Variants in TOPAZ1 observed in about 807,000 individuals in gnomAD.
TOPAZ1 encodes the protein protein TOPAZ1.
A neutral mutation model predicts 172.2 loss-of-function variants in TOPAZ1; 66 were observed. The observed-to-expected ratio is 0.38, with a 90% confidence interval of 0.31 to 0.47. The LOEUF is 0.47. Ranked by LOEUF, TOPAZ1 falls within the 20% of genes least tolerant of loss-of-function variation. The pLI, the probability that TOPAZ1 is intolerant of heterozygous loss-of-function variation, is 0.99. For synonymous variants in TOPAZ1, 681 were observed against 683.9 expected (o/e 1.00, Z 0.07); for missense variants, 1,822 against 1,972.4 (o/e 0.92, Z 1.44).
At chr3:44,313,202 A>G (rs910353674) in intron 16 of TOPAZ1, among the ~76,000 whole-genome samples, 2 of 152,182 alleles carry the variant, frequency 1.3e-5, no homozygotes, top group Admixed American at 1.3e-4. Flanking sequence ...ACTTTTCCTT[A>G]GGATAAATTC....
intron 2 of TOPAZ1, among the ~76,000 whole-genome samples, chr3:44,245,807 G>A (rs1699558480): frequency 6.6e-6 from 1 of 152,104 alleles, no homozygotes; most frequent in East Asian, 1.9e-4. Flanking sequence ...CCAAAGTGCT[G>A]GGATTACAGG....
chr3:44,304,081 G>A lies in TOPAZ1; in HGVS notation c.3864G>A (p.Glu1288=). 6.7e-7 allele frequency: 1 copy of A among 1,493,960 alleles called. No individual in the cohort carries two copies. Among genetic ancestry groups the A allele is most frequent in the Non-Finnish European group, 9.1e-7 (1 of 1,100,548 alleles). The allele number at this position is 1,493,960 out of a possible 1,614,324, so 92.5% of individuals were successfully genotyped here. A position where few individuals can be genotyped will look rare whatever the true frequency, so the allele number is the denominator to read the frequency against. ...CDLDSALNKL[E]HCKEKGDWTK... ...TAGATTCAGCCTTGAATAAATTAGA[G>A]GTATGACATTTATTATTTTAAATAC... is the stretch of plus-strand genomic sequence containing the variant. Residue 1288 remains glutamate, a splice_region_variant and synonymous_variant, in exon 13 of 20, where the codon GAG becomes GAA. Coordinates refer to ENST00000309765, the MANE Select transcript of TOPAZ1 (RefSeq NM_001145030.2).
chr3:44,245,501 C>G (rs1254828923), intron 2 of TOPAZ1, among the ~76,000 whole-genome samples: 5 of 145,250 alleles, frequency 3.4e-5, no homozygotes, highest in Non-Finnish European at 7.5e-5. Context: ...AAAAGATTAG[C>G]TGTTCAGAAT....
chr3:44,242,140 GC>G lies in TOPAZ1; in HGVS notation c.89del (p.Pro30GlnfsTer60), dbSNP rs1325520700. ...RNLQKRQAPG[P>X]GAAGGCGPEA... ...ACCTGCAGAAGCGGCAGGCGCCAGGGCCAGGCGCGGCGGGAGGCTGTGGCCC... is the reference window on the plus strand; with the variant it reads ...ACCTGCAGAAGCGGCAGGCGCCAGGGCAGGCGCGGCGGGAGGCTGTGGCCC... On this transcript the variant is annotated frameshift_variant, in exon 1 of 20. Transcript: ENST00000309765. LOFTEE classifies it high-confidence loss of function. 81 of 1,549,016 alleles carry G rather than the reference GC, an allele frequency of 5.2e-5. No homozygotes were observed. The highest frequency in any genetic ancestry group is 7.0e-5 in the Non-Finnish European group (80 of 1,146,500).
chr3:44,266,075 G>A (rs1037237133), intron 5 of TOPAZ1, among the ~76,000 whole-genome samples: 1 of 152,128 alleles, frequency 6.6e-6, no homozygotes, highest in Admixed American at 6.5e-5. Flanking sequence ...GTTTGACCTT[G>A]CACTTCTATG....
At chr3:44,321,709 T>A (rs1002946917) in intron 17 of TOPAZ1, among the ~76,000 whole-genome samples, 27 of 152,188 alleles carry the variant, frequency 1.8e-4, no homozygotes. Flanking sequence ...ACGAAAACGT[T>A]AACCTGAGGG....
chr3:44,290,830 A>T lies in TOPAZ1; in HGVS notation c.3741A>T (p.Leu1247Phe). The T allele has an allele frequency of 6.5e-7, 1 of 1,550,356 alleles. No homozygotes were observed. Among genetic ancestry groups the T allele is most frequent in the Non-Finnish European group, 8.7e-7 (1 of 1,146,642 alleles). The change falls in exon 12 of 20, where the codon TTA (leucine) becomes TTT (phenylalanine). Residue 1247 changes from leucine (L) to phenylalanine (F), a missense_variant. Leu to Phe is a conservative substitution (Grantham distance 22). Transcript: ENST00000309765. ...PEHFNYIVKL[L>F]YQVQASKQEI... ...ACTTTAACTATATTGTTAAGCTTTTATACCAAGTACAAGCTTCCAAACAAG... is the reference window on the plus strand; with the variant it reads ...ACTTTAACTATATTGTTAAGCTTTTTTACCAAGTACAAGCTTCCAAACAAG...
intron 8 of TOPAZ1, among the ~76,000 whole-genome samples, chr3:44,279,448 T>C (rs1699998954): frequency 6.6e-6 from 1 of 152,212 alleles, no homozygotes; most frequent in Non-Finnish European, 1.5e-5. Flanking sequence ...TATTGGAGTC[T>C]GTCCCTCCCT....
intron 19 of TOPAZ1, among the ~76,000 whole-genome samples, chr3:44,329,652 C>T (rs4682740): frequency 0.99 from 150,468 of 152,326 alleles, 74,322 homozygotes; most frequent in East Asian, 1. Context: ...CAGAGGACTT[C>T]ATTATTTGTG....
intron 5 of TOPAZ1, among the ~76,000 whole-genome samples, chr3:44,263,320 C>T (rs1699795150): frequency 6.6e-6 from 1 of 152,144 alleles, no homozygotes; most frequent in East Asian, 1.9e-4. Context: ...ATTTTGCTTA[C>T]AAACTAACAT....
chr3:44,241,941 G>A lies in TOPAZ1; in HGVS notation c.-113G>A, dbSNP rs1699480381. 2 of 981,392 alleles carry A rather than the reference G, an allele frequency of 2.0e-6. No homozygotes were observed. The highest frequency in any genetic ancestry group is 1.7e-5 in the African/African-American group (1 of 58,722). 60.8% of individuals were successfully genotyped at this position (981,392 alleles called of 1,614,324 possible). On this transcript the variant is annotated 5_prime_UTR_variant, in exon 1 of 20. In the 5' UTR this introduces an upstream ATG that the reference lacks. Coordinates refer to ENST00000309765, the MANE Select transcript of TOPAZ1 (RefSeq NM_001145030.2). ...CGGCCCCGGGCTGTGGTGACTGGCG[G>A]TGTGGGGTGGGTCAGAGGGCAGTAG...
At chr3:44,279,004 A>G (rs1699994603) in intron 8 of TOPAZ1, among the ~76,000 whole-genome samples, 1 of 152,064 alleles carries the variant, frequency 6.6e-6, no homozygotes, top group African/African-American at 2.4e-5. Context: ...AGTTGTTGCT[A>G]TATCGCATAT....
At chr3:44,284,057 T>C (rs1700052712) in intron 9 of TOPAZ1, among the ~76,000 whole-genome samples, 1 of 152,200 alleles carries the variant, frequency 6.6e-6, no homozygotes, top group Non-Finnish European at 1.5e-5. Flanking sequence ...TTCTTTAGCC[T>C]CCTTTAATCT....
intron 4 of TOPAZ1, among the ~76,000 whole-genome samples, chr3:44,259,017 G>A (rs1699746480): frequency 6.6e-6 from 1 of 152,166 alleles, no homozygotes; most frequent in African/African-American, 2.4e-5. Context: ...AGAGATTTGG[G>A]CCAAGTTATA....
At chr3:44,303,522 G>T (rs1700300853) in intron 12 of TOPAZ1, among the ~76,000 whole-genome samples, 1 of 138,256 alleles carries the variant, frequency 7.2e-6, no homozygotes. Flanking sequence ...AACTTAATGT[G>T]GACTTAGTCT....
intron 12 of TOPAZ1, among the ~76,000 whole-genome samples, chr3:44,293,962 C>T (rs146772285): frequency 2.6e-5 from 4 of 152,314 alleles, no homozygotes; most frequent in African/African-American, 9.6e-5. Flanking sequence ...TATCCCCAGC[C>T]GGGTACAGTG....
At chr3:44,291,084 G>A (rs535504463) in intron 12 of TOPAZ1, among the ~76,000 whole-genome samples, 198 bp downstream of exon 12, 1 of 151,968 alleles carries the variant, frequency 6.6e-6, no homozygotes, top group East Asian at 1.9e-4. Flanking sequence ...ATTTTTCTTA[G>A]TACTTCATTT....
chr3:44,245,231 A>C lies in TOPAZ1; in HGVS notation c.2725A>C (p.Met909Leu), dbSNP rs1181116094. 1 of 1,543,874 alleles carries C rather than the reference A, an allele frequency of 6.5e-7. No individual in the cohort carries two copies. Among genetic ancestry groups the C allele is most frequent in the Non-Finnish European group, 8.7e-7 (1 of 1,144,712 alleles). ...GEHQSTDSKY[M>L]ETPVKKEPSD... ...GCACCAATCAACAGACTCCAAGTAC[A>C]TGGAAACTCCAGTAAAAAAAGAACC... Residue 909 changes from methionine (M) to leucine (L), a missense_variant, in exon 2 of 20, where the codon ATG becomes CTG. Coordinates refer to ENST00000309765, the MANE Select transcript of TOPAZ1 (RefSeq NM_001145030.2).
At chr3:44,270,543 T>C in intron 7 of TOPAZ1, 142 bp from the exon 8 acceptor site, 1 of 495,478 alleles carries the variant, frequency 2.0e-6, no homozygotes, top group Non-Finnish European at 3.3e-6. Flanking sequence ...TGAAGTTTTA[T>C]TTTTTCTTAT....
Sources: allele counts gnomAD v4.1 joint callset (sites outside exome capture counted in the v4.1 genomes callset), GRCh38; gene constraint gnomAD v4.1.1; transcripts MANE v1.5; gene names NCBI Gene and HGNC (gene_info 2026-07-23, HGNC 2026-07-21).